DNMT1: variants seen among roughly 807,000 people sequenced by gnomAD.
DNMT1 encodes DNA (cytosine-5)-methyltransferase 1.
DNMT1 carries 24 observed loss-of-function variants against 205.3 expected under a neutral mutation model. That is an observed-to-expected ratio of 0.12 (90% confidence interval 0.08 to 0.16). The LOEUF is 0.16. DNMT1 is among the 10% of genes least tolerant of loss of function. The pLI is 1.00. For missense variants in DNMT1, 1,293 were observed against 2,177.7 expected (o/e 0.59, Z 8.09); for synonymous variants, 817 against 839.8 (o/e 0.97, Z 0.47).
chr19:10,134,002 C>A (rs1298227362), intron 40 of DNMT1, among the ~76,000 whole-genome samples: 2 of 152,224 alleles, frequency 1.3e-5, no homozygotes, highest in South Asian at 2.1e-4. Flanking sequence ...CCAACCTGAC[C>A]AAAGGCCTGC....
Position 10,137,373 on chromosome 19 carries a change from G to A in DNMT1, c.4294-93C>T. 6.8e-7 allele frequency: 1 copy of A among 1,472,128 alleles called. No homozygotes were observed. The highest frequency in any genetic ancestry group is 9.2e-7 in the Non-Finnish European group (1 of 1,089,190). 91.2% of individuals were successfully genotyped at this position (1,472,128 alleles called of 1,614,324 possible). On this transcript the variant is annotated intron_variant, in intron 36 of 40. Coordinates refer to ENST00000359526, the MANE Select transcript of DNMT1 (RefSeq NM_001130823.3). This position sits in a 1 kb window ranked among gnomAD's most constrained non-coding sequence, Gnocchi z 6.4. ...GGAGCTGGGAACACCATGGTGACCA[G>A]GAAGCCCCCTGGGGCTCACGCCCAT... is the stretch of plus-strand genomic sequence containing the variant.
intron 13 of DNMT1, 129 bp from the exon 14 acceptor site, chr19:10,160,547 G>T: frequency 1.1e-6 from 1 of 951,186 alleles, no homozygotes. Flanking sequence ...GGCAGTGAGA[G>T]GGCCAGCAGG....
At chr19:10,185,296 G>T (rs1037678210) in intron 1 of DNMT1, among the ~76,000 whole-genome samples, 5 of 151,916 alleles carry the variant, frequency 3.3e-5, no homozygotes, top group Non-Finnish European at 7.4e-5. Flanking sequence ...GTGGTGGTGG[G>T]CGCCTGTAGT....
intron 27 of DNMT1, among the ~76,000 whole-genome samples, chr19:10,148,297 C>G (rs1262347381): frequency 1.3e-5 from 2 of 150,874 alleles, no homozygotes; most frequent in African/African-American, 2.4e-5. Flanking sequence ...GAGATCGAGA[C>G]CATCCTGGCT....
In DNMT1 at chr19:10,133,741, G is replaced by A. The variant is rs184978889; in HGVS notation, c.4865-40C>T. ...AAGGAAAAGTCACTCTGGGGAACAC[G>A]CCCGGTGTCACGCCACTTGACAGGC... On this transcript the variant is annotated intron_variant, in intron 40 of 40. Transcript: ENST00000359526. This position sits in a 1 kb window ranked among gnomAD's most constrained non-coding sequence, Gnocchi z 4.1. 2.7e-4 allele frequency: 418 copies of A among 1,565,872 alleles called. 2 individuals are homozygous for A. The highest frequency in any genetic ancestry group is 1.5e-3 in the Middle Eastern group (9 of 5,978).
chr19:10,168,870 C>T (rs1195099013), intron 9 of DNMT1, among the ~76,000 whole-genome samples: 1 of 152,216 alleles, frequency 6.6e-6, no homozygotes, highest in Non-Finnish European at 1.5e-5. Flanking sequence ...CGGAGTCTCA[C>T]TCTGTTACCC....
chr19:10,180,655 A>G (rs2039029615), intron 3 of DNMT1, 86 bp from the exon 4 acceptor site: 1 of 1,445,314 alleles, frequency 6.9e-7, no homozygotes, highest in Non-Finnish European at 9.7e-7. Flanking sequence ...CTTCATCATC[A>G]TCATCATCAT....
intron 1 of DNMT1, among the ~76,000 whole-genome samples, chr19:10,193,160 C>A (rs1326184714): frequency 6.6e-6 from 1 of 152,086 alleles, no homozygotes; most frequent in Non-Finnish European, 1.5e-5. Context: ...TTAAGACCAG[C>A]CTGGGCAATA....
intron 1 of DNMT1, among the ~76,000 whole-genome samples, chr19:10,183,172 G>A (rs1341080405): frequency 1.4e-5 from 2 of 144,016 alleles, no homozygotes; most frequent in East Asian, 2.2e-4. Flanking sequence ...CCAGGCTGGA[G>A]TGCAATGGTG....
In DNMT1 at chr19:10,163,336, G is replaced by A. The variant is rs761747950; in HGVS notation, c.916C>T (p.Pro306Ser). Residue 306 changes from proline to serine, a missense_variant, in exon 12 of 41, where the codon CCC (proline) becomes TCC (serine). Around this residue, in one of 13 missense-constraint regions of DNMT1, gnomAD observed 394 missense variants for 451.6 expected, o/e 0.87. Transcript: ENST00000359526. ...ATTTTAAACACTTACAGATCTTTGGGTTGACTTCTGTGCTTCTTCTCATCC... is the reference window on the plus strand; with the variant it reads ...ATTTTAAACACTTACAGATCTTTGGATTGACTTCTGTGCTTCTTCTCATCC... ...EKDEKKHRSQ[P>S]KDLAAKRRPE... 3.1e-6 allele frequency: 5 copies of A among 1,613,924 alleles called. No individual in the cohort carries two copies. The highest frequency in any genetic ancestry group is 3.4e-6 in the Non-Finnish European group (4 of 1,179,996).
chr19:10,167,533 T>C (rs189235025), intron 10 of DNMT1, among the ~76,000 whole-genome samples: 240 of 152,274 alleles, frequency 1.6e-3, no homozygotes, highest in African/African-American at 5.5e-3. Flanking sequence ...AAGTGCTACT[T>C]TTCATTTCTG....
intron 37 of DNMT1, 41 bp from the exon 38 acceptor site, chr19:10,136,328 G>C: frequency 6.2e-7 from 1 of 1,610,540 alleles, no homozygotes; most frequent in Non-Finnish European, 8.5e-7. Context: ...TTGTGGGATG[G>C]GGTATAGGCT....
At position 10,173,913 on chromosome 19, in the gene DNMT1, G is replaced by A; in HGVS notation, c.649-8C>T. ...TCTACGTCTCTTCTCATCCTGTGTG[G>A]AGGGAAGGAAGAACAAAAAAGATTA... On this transcript the variant is annotated splice_region_variant and splice_polypyrimidine_tract_variant and intron_variant, in intron 7 of 40. Coordinates refer to ENST00000359526, the MANE Select transcript of DNMT1 (RefSeq NM_001130823.3). The A allele has an allele frequency of 2.5e-6, 4 of 1,613,832 alleles. No individual in the cohort carries two copies. The highest frequency in any genetic ancestry group is 2.5e-6 in the Non-Finnish European group (3 of 1,179,748).
Position 10,138,683 on chromosome 19 carries a change from C to T in DNMT1, c.3949-78G>A, listed in dbSNP as rs548580674. 13 of 1,535,582 alleles carry T rather than the reference C, an allele frequency of 8.5e-6. No individual in the cohort carries two copies. In the African/African-American group the frequency reaches 1.8e-4, roughly 21 times the overall value. ...GACTGGCCAGACCCAGGCCCAGGGT[C>T]AGCAGCCTGAGTCGGGAGTGGCTGG... On this transcript the variant is annotated intron_variant, in intron 34 of 40. Transcript: ENST00000359526. The surrounding 1 kb of genome is among the most constrained non-coding windows in gnomAD (Gnocchi z 4.1).
In DNMT1 at chr19:10,151,803, G is replaced by A. The variant is rs766985413; in HGVS notation, c.2064C>T (p.Asp688=). The change falls in exon 23 of 41, where the codon GAC becomes GAT. Residue 688 remains aspartate (D), a synonymous_variant. Coordinates refer to ENST00000359526, the MANE Select transcript of DNMT1 (RefSeq NM_001130823.3). This position sits in a 1 kb window ranked among gnomAD's most constrained non-coding sequence, Gnocchi z 5.0. ...GTCCACTGCCACCAAATTTAACCATGTCCTTGCAGGCTTTACATTTCCCAC... is the reference window on the plus strand; with the variant it reads ...GTCCACTGCCACCAAATTTAACCATATCCTTGCAGGCTTTACATTTCCCAC... The part of the protein sequence containing the change: ...PECGKCKACK[D]MVKFGGSGRS... 1.9e-6 allele frequency: 3 copies of A among 1,613,940 alleles called. No homozygotes were observed. Among genetic ancestry groups the A allele is most frequent in the South Asian group, 2.2e-5 (2 of 91,086 alleles).
chr19:10,143,048 G>C (rs139289510), intron 29 of DNMT1, among the ~76,000 whole-genome samples: 1 of 152,228 alleles, frequency 6.6e-6, no homozygotes, highest in Non-Finnish European at 1.5e-5. Flanking sequence ...CCTAATCACC[G>C]CAAGTTACTC....
At chr19:10,167,324 T>A (rs1335720882) in intron 10 of DNMT1, among the ~76,000 whole-genome samples, 1 of 152,022 alleles carries the variant, frequency 6.6e-6, no homozygotes, top group Non-Finnish European at 1.5e-5. Context: ...GTCTCCCAAG[T>A]AGCTGGGACC....
intron 10 of DNMT1, 108 bp downstream of exon 10, chr19:10,168,222 C>G: frequency 7.8e-7 from 1 of 1,276,228 alleles, no homozygotes; most frequent in Non-Finnish European, 1.1e-6. Flanking sequence ...ACATAAGAGA[C>G]ATATGATTAG....
At chr19:10,173,233 C>G in intron 8 of DNMT1, 59 bp from the exon 9 acceptor site, 1 of 1,572,958 alleles carries the variant, frequency 6.4e-7, no homozygotes, top group Non-Finnish European at 8.7e-7. Flanking sequence ...CCCAAAGAAG[C>G]AGTTTTCATA....
Sources: gnomAD v4.1 joint callset for allele counts (sites outside exome capture counted in the v4.1 genomes callset) on GRCh38, gnomAD v4.1.1 for gene constraint, gnomAD v4.1.1 regional missense constraint, Gnocchi (gnomAD v3.1) non-coding constraint, MANE v1.5 for transcripts, NCBI Gene and HGNC (gene_info 2026-07-23, HGNC 2026-07-21) for gene names.